LSAMP: variants seen among roughly 807,000 people sequenced by gnomAD.
LSAMP encodes limbic system-associated membrane protein.
In LSAMP, 7 loss-of-function variants were observed where a neutral mutation model predicts 38.6. The ratio of observed to expected loss-of-function variants is 0.18; its 90% confidence interval spans 0.10 to 0.34. The LOEUF (loss-of-function observed/expected upper bound fraction) is 0.34, where lower values mean the gene tolerates loss of function less well. LSAMP is among the 10% of genes least tolerant of loss of function. LSAMP has a pLI of 1.00. For synonymous variants in LSAMP, 154 were observed against 166.8 expected (o/e 0.92, Z 0.59); for missense variants, 313 against 420.0 (o/e 0.75, Z 2.23).
chr3:116,352,336 T>C (rs755428431), intron 1 of LSAMP, among the ~76,000 whole-genome samples: 1 of 151,998 alleles, frequency 6.6e-6, no homozygotes, highest in African/African-American at 2.4e-5. Context: ...GACAATGAGA[T>C]AGATTCAGAG....
At chr3:116,387,952 A>T (rs1426497373) in intron 1 of LSAMP, among the ~76,000 whole-genome samples, 2 of 152,006 alleles carry the variant, frequency 1.3e-5, no homozygotes, top group Admixed American at 1.3e-4. Flanking sequence ...AAGAAAAAAA[A>T]AATGAGTTGG....
At chr3:115,932,031 A>G (rs1423699305) in intron 3 of LSAMP, among the ~76,000 whole-genome samples, 2 of 152,208 alleles carry the variant, frequency 1.3e-5, no homozygotes, top group Non-Finnish European at 2.9e-5. Context: ...GTAATTGTTG[A>G]GACAGACATT....
intron 1 of LSAMP, among the ~76,000 whole-genome samples, chr3:116,408,205 A>G (rs1432655264): frequency 6.6e-6 from 1 of 152,102 alleles, no homozygotes; most frequent in African/African-American, 2.4e-5. Context: ...ATTGCCTACA[A>G]TTGGAAAATG....
intron 2 of LSAMP, among the ~76,000 whole-genome samples, chr3:116,024,310 T>C (rs770805260): frequency 2.6e-5 from 4 of 152,220 alleles, no homozygotes; most frequent in Non-Finnish European, 5.9e-5. Context: ...CACTTAGTTT[T>C]TCCCAACTCT....
chr3:116,054,441 A>G (rs1289552007), intron 2 of LSAMP, among the ~76,000 whole-genome samples: 1 of 152,126 alleles, frequency 6.6e-6, no homozygotes, highest in African/African-American at 2.4e-5. Flanking sequence ...CCTCAGACAT[A>G]CTTAGCCCAG....
chr3:116,210,651 C>G (rs567443755), intron 1 of LSAMP, among the ~76,000 whole-genome samples: 1 of 152,094 alleles, frequency 6.6e-6, no homozygotes, highest in Non-Finnish European at 1.5e-5. Context: ...ATTGTGTGAG[C>G]CAATTCTCCT....
At chr3:116,195,134 T>C (rs1219732247) in intron 1 of LSAMP, among the ~76,000 whole-genome samples, 1 of 152,204 alleles carries the variant, frequency 6.6e-6, no homozygotes, top group Non-Finnish European at 1.5e-5. Context: ...TCTTTGGAGA[T>C]GGCTATATTT....
intron 6 of LSAMP, chr3:115,834,691 G>C (rs1934728569): frequency 1.9e-6 from 1 of 533,088 alleles, no homozygotes; most frequent in Non-Finnish European, 2.6e-6. Context: ...TTATACAACA[G>C]ATGAATTTCC....
chr3:116,151,923 C>A (rs1709622039), intron 1 of LSAMP, among the ~76,000 whole-genome samples: 1 of 152,012 alleles, frequency 6.6e-6, no homozygotes, highest in African/African-American at 2.4e-5. Flanking sequence ...CACAATGAGA[C>A]CAGCAATTAG....
In LSAMP at chr3:116,445,078, C is replaced by G. The variant is rs771753342; in HGVS notation, c.-47G>C. The G allele has an allele frequency of 8.3e-6, 13 of 1,563,300 alleles. No individual in the cohort carries two copies. In the East Asian group the frequency reaches 2.0e-4, roughly 24 times the overall value. ...GTCCGCGGGGTGCTCTGGAGGGGTG[C>G]GCGCTGCTCGCGAGGAGAGGCTTCA... On this transcript the variant is annotated 5_prime_UTR_variant, in exon 1 of 7. Coordinates refer to ENST00000490035, the MANE Select transcript of LSAMP (RefSeq NM_002338.5).
At chr3:116,207,620 C>T (rs937260265) in intron 1 of LSAMP, among the ~76,000 whole-genome samples, 1 of 151,842 alleles carries the variant, frequency 6.6e-6, no homozygotes, top group African/African-American at 2.4e-5. Flanking sequence ...AATCTCTCAG[C>T]ATTTTCTTGT....
chr3:116,236,251 T>G (rs1356925724), intron 1 of LSAMP, among the ~76,000 whole-genome samples: 2 of 152,126 alleles, frequency 1.3e-5, no homozygotes, highest in African/African-American at 4.8e-5. Context: ...TCTATTATTT[T>G]TAATGGGCTA....
intron 1 of LSAMP, among the ~76,000 whole-genome samples, chr3:116,204,405 A>G (rs916215634): frequency 3.3e-4 from 50 of 152,134 alleles, no homozygotes; most frequent in Non-Finnish European, 6.6e-4. Context: ...CTTTAGTTTA[A>G]TTAAACCCCA....
intron 1 of LSAMP, among the ~76,000 whole-genome samples, chr3:116,244,980 A>G (rs2046586612): frequency 6.6e-6 from 1 of 152,214 alleles, no homozygotes; most frequent in South Asian, 2.1e-4. Context: ...AGATCATATC[A>G]TCATAGTTAT....
intron 1 of LSAMP, among the ~76,000 whole-genome samples, chr3:116,155,043 C>A (rs1429145489): frequency 6.6e-6 from 1 of 150,850 alleles, no homozygotes; most frequent in Admixed American, 6.6e-5. Context: ...TGTTTTTTGT[C>A]TTTTATTTTT....
chr3:116,000,172 T>C (rs1373694496), intron 3 of LSAMP, among the ~76,000 whole-genome samples: 4 of 152,192 alleles, frequency 2.6e-5, no homozygotes, highest in Non-Finnish European at 2.9e-5. Flanking sequence ...GCCTCTACTC[T>C]TTGTTTTCCT....
At chr3:116,269,174 A>AGAGAT (rs779768943) in intron 1 of LSAMP, among the ~76,000 whole-genome samples, 1 of 152,140 alleles carries the variant, frequency 6.6e-6, no homozygotes, top group Non-Finnish European at 1.5e-5. Context: ...AACATGATGA[A>AGAGAT]GAGATAAGTG....
At chr3:116,122,307 A>C (rs1708893611) in intron 1 of LSAMP, among the ~76,000 whole-genome samples, 1 of 152,184 alleles carries the variant, frequency 6.6e-6, no homozygotes, top group Non-Finnish European at 1.5e-5. Context: ...CACAAAGGAT[A>C]TGTTGATGAT....
At chr3:115,914,316 C>A (rs1417663582) in intron 3 of LSAMP, among the ~76,000 whole-genome samples, 1 of 152,212 alleles carries the variant, frequency 6.6e-6, no homozygotes, top group Non-Finnish European at 1.5e-5. Context: ...CCCTCACTAT[C>A]CAATCACCCT....
Sources: gnomAD v4.1 joint callset for allele counts (sites outside exome capture counted in the v4.1 genomes callset) on GRCh38, gnomAD v4.1.1 for gene constraint, MANE v1.5 for transcripts, NCBI Gene and HGNC (gene_info 2026-07-23, HGNC 2026-07-21) for gene names.